Variants in NME9 observed in about 807,000 individuals in gnomAD.
NME9 encodes the protein thioredoxin domain-containing protein 6.
NME9 carries 48 observed loss-of-function variants against 44.4 expected under a neutral mutation model. That is an observed-to-expected ratio of 1.08 (90% CI 0.86 to 1.37). The LOEUF (loss-of-function observed/expected upper bound fraction) is 1.37, where lower values mean the gene tolerates loss of function less well. Ranked by LOEUF, NME9 falls within the 40% of genes most tolerant of loss-of-function variation. The pLI is 0.00. For missense variants in NME9, 325 were observed against 405.2 expected, an observed-to-expected ratio of 0.80 and a Z score of 1.70; for synonymous variants, 139 against 147.1, an observed-to-expected ratio of 0.94 and a Z score of 0.40.
chr3:138,272,501 A>T (rs2048888771), intron 8 of NME9, among the ~76,000 whole-genome samples: 1 of 152,236 alleles, frequency 6.6e-6, no homozygotes, highest in African/African-American at 2.4e-5. Flanking sequence ...GACGGACAGA[A>T]ATATAGGTGA....
intron 8 of NME9, chr3:138,270,148 A>G (rs1284252863): frequency 6.6e-7 from 1 of 1,522,994 alleles, no homozygotes; most frequent in Non-Finnish European, 9.1e-7. Context: ...TTTCACTTTT[A>G]TATATATCAT....
intron 2 of NME9, among the ~76,000 whole-genome samples, chr3:138,321,928 C>T (rs2053489500): frequency 6.6e-6 from 1 of 151,608 alleles, no homozygotes; most frequent in Non-Finnish European, 1.5e-5. Context: ...ACCAGAAAAT[C>T]AAAGACAAGT....
intron 6 of NME9, 41 bp downstream of exon 6, chr3:138,314,291 C>A: frequency 8.3e-7 from 1 of 1,211,260 alleles, no homozygotes; most frequent in African/African-American, 1.5e-5. Flanking sequence ...AAATCTGAGT[C>A]TGCTTTGCTT....
chr3:138,280,497 C>CTT (rs1039909334), intron 8 of NME9, among the ~76,000 whole-genome samples: 21 of 107,106 alleles, frequency 2.0e-4, no homozygotes, highest in African/African-American at 4.9e-4. Context: ...TCTTTTTTTT[C>CTT]TTTTTTTTTT....
rs538391744 is a variant in NME9, at chr3:138,284,605, G to T, written c.745+18902C>A. On this transcript the variant is annotated intron_variant, in intron 8 of 8. Coordinates refer to the NME9 transcript ENST00000317876. Reference sequence around the variant, plus strand: ...TTTAACTCAAAATAAATTGTGCAGAGATTTTAAAAAGAGGAAAAGAATAGA... The same window carrying T: ...TTTAACTCAAAATAAATTGTGCAGATATTTTAAAAAGAGGAAAAGAATAGA... 1,336 of 1,078,380 alleles carry T rather than the reference G, an allele frequency of 1.2e-3. 2 individuals carry two copies. Among genetic ancestry groups the T allele is most frequent in the Non-Finnish European group, 1.7e-3 (1,175 of 711,950 alleles). The allele number at this position is 1,078,380 out of a possible 1,614,324, so 66.8% of individuals were successfully genotyped here.
At chr3:138,278,365 G>A (rs1049985022) in intron 8 of NME9, among the ~76,000 whole-genome samples, 1 of 151,890 alleles carries the variant, frequency 6.6e-6, no homozygotes, top group African/African-American at 2.4e-5. Context: ...AATTAGCCAG[G>A]TATGGTCACG....
rs137880670 is a variant in NME9 at position 138,264,623 on chromosome 3, T to C, written c.746-2037A>G. Among the ~76,000 whole-genome samples, 1,084 of 151,758 alleles carry C rather than the reference T, an allele frequency of 7.1e-3. 12 individuals carry two copies. The highest frequency in any genetic ancestry group is 0.025 in the African/African-American group (1,015 of 41,422). The stretch of plus-strand genomic sequence containing the variant: ...TTAGTAGAGGCGGGGTTTCACCATA[T>C]TGGTCAGGCTGGTCTTGAACTCCTG... On this transcript the variant is annotated intron_variant, in intron 8 of 8. Transcript: ENST00000317876.
intron 6 of NME9, among the ~76,000 whole-genome samples, chr3:138,308,956 A>AAAC (rs2052487376): frequency 6.6e-6 from 1 of 150,940 alleles, no homozygotes; most frequent in African/African-American, 2.4e-5. Flanking sequence ...AAAAAAAAAA[A>AAAC]AAAAAAAAAA....
rs577927348 is a variant in NME9, at chr3:138,327,088, G to GGA, written c.34-2160_34-2159dup. ...TGAGAACTGCTTGAACGTGAGAGGT[G>GGA]GAGGTTGCACTGAGATGAGATCATG... On this transcript the variant is annotated intron_variant, in intron 1 of 10. Coordinates refer to ENST00000333911, the MANE Select transcript of NME9 (RefSeq NM_001349018.2). The GGA allele has an allele frequency of 4.0e-5, 6 of 150,728 alleles. No homozygotes were observed. In the South Asian group the frequency reaches 8.5e-4, roughly 21 times the overall value. 9.3% of individuals were successfully genotyped at this position (150,728 alleles called of 1,614,324 possible).
intron 8 of NME9, among the ~76,000 whole-genome samples, chr3:138,283,545 TC>T (rs767718130): frequency 4.7e-4 from 72 of 152,346 alleles, no homozygotes; most frequent in Non-Finnish European, 9.3e-4. Flanking sequence ...TGTTTTTTTT[TC>T]CTGCCTCATC....
chr3:138,262,467 C>G, exon 9 of NME9: 2 of 1,528,998 alleles, frequency 1.3e-6, no homozygotes, highest in Non-Finnish European at 1.8e-6. Context: ...TTCTTCTCTT[C>G]TTGTTTGGCT....
At chr3:138,294,374 G>C (rs983077721) in intron 8 of NME9, among the ~76,000 whole-genome samples, 23 of 152,194 alleles carry the variant, frequency 1.5e-4, no homozygotes, top group Admixed American at 3.9e-4. Flanking sequence ...GCCTCTTTAA[G>C]TATTTGGGGA....
chr3:138,324,736 ACACAT>A, intron 2 of NME9, 132 bp downstream of exon 2: 19 of 558,546 alleles, frequency 3.4e-5, no homozygotes, highest in Non-Finnish European at 4.0e-5. Flanking sequence ...ACACACACAC[ACACAT>A]CACCTGGTTT....
At chr3:138,264,154 C>T (rs1174808298) in intron 8 of NME9, 1 of 1,613,864 alleles carries the variant, frequency 6.2e-7, no homozygotes. Flanking sequence ...TTATCCAGAT[C>T]TGTGCAGCAG....
At chr3:138,319,905 A>T (rs2053358767) in intron 2 of NME9, among the ~76,000 whole-genome samples, 1 of 152,170 alleles carries the variant, frequency 6.6e-6, no homozygotes, top group Non-Finnish European at 1.5e-5. Context: ...CCTCAATTAT[A>T]TTGGAATTAG....
In NME9 at chr3:138,264,527, C is replaced by T. The variant is rs141184456; in HGVS notation, c.746-1941G>A. Among the ~76,000 whole-genome samples the T allele has an allele frequency of 4.9e-3, 677 of 137,814 alleles. 5 individuals are homozygous for T. Among genetic ancestry groups the T allele is most frequent in the Non-Finnish European group, 7.6e-3 (505 of 66,192 alleles). 90.4% of individuals were successfully genotyped at this position (137,814 alleles called of 152,430 possible). ...CTCCACCTCCCCGGTTCAAGCGATT[C>T]TTCTGCCTCAGCCTCTCTAGTAGCT... is the stretch of plus-strand genomic sequence containing the variant. On this transcript the variant is annotated intron_variant, in intron 8 of 8. Coordinates refer to the NME9 transcript ENST00000317876.
intron 2 of NME9, 24 bp downstream of exon 2, chr3:138,324,849 A>G: frequency 4.4e-6 from 7 of 1,578,276 alleles, no homozygotes; most frequent in Non-Finnish European, 6.1e-6. Context: ...AATGGATCTA[A>G]AAAGTTATTT....
rs2108431527 is a variant in NME9, at chr3:138,304,878, T to C, written c.786A>G (p.Pro262=). 6.2e-7 allele frequency: 1 copy of C among 1,613,898 alleles called. No homozygotes were observed. Among genetic ancestry groups the C allele is most frequent in the Non-Finnish European group, 8.5e-7 (1 of 1,179,876 alleles). The change falls in exon 9 of 11, where the codon CCA becomes CCG. Residue 262 remains proline, a synonymous_variant. Coordinates refer to ENST00000333911, the MANE Select transcript of NME9 (RefSeq NM_001349018.2). The stretch of plus-strand genomic sequence containing the variant: ...ACCACAGCTGGTGACATCACCTTTC[T>C]GGCTGCTCCCTCCTGGCCACATTGG... ...RDPNVARREQ[P]ESLRAQYGTE...
At chr3:138,271,719 A>G (rs75120988) in intron 8 of NME9, among the ~76,000 whole-genome samples, 5,169 of 151,956 alleles carry the variant, frequency 0.034, 311 homozygotes, top group African/African-American at 0.12. Flanking sequence ...CTAATGTCTT[A>G]GCTCTTTAAT....
Sources: allele counts gnomAD v4.1 joint callset (sites outside exome capture counted in the v4.1 genomes callset), GRCh38; gene constraint gnomAD v4.1.1; transcripts MANE v1.5; gene names NCBI Gene and HGNC (gene_info 2026-07-23, HGNC 2026-07-21).